FAM13C: variants seen among roughly 807,000 people sequenced by gnomAD.
The protein encoded by FAM13C is protein FAM13C.
Under a neutral mutation model 73.2 loss-of-function variants are expected in FAM13C, and 37 were observed. The observed-to-expected ratio is 0.51, with a 90% CI of 0.39 to 0.67. The LOEUF is 0.67. FAM13C is among the 30% of genes least tolerant of loss of function. FAM13C has a pLI of 0.00. For missense variants in FAM13C, 589 were observed against 715.6 expected (o/e 0.82, Z 2.02); for synonymous variants, 246 against 260.9 (o/e 0.94, Z 0.55).
intron 3 of FAM13C, among the ~76,000 whole-genome samples, chr10:59,342,810 T>C (rs1051174511): frequency 6.6e-6 from 1 of 152,230 alleles, no homozygotes; most frequent in African/African-American, 2.4e-5. Flanking sequence ...TCAGTTCATT[T>C]TGTTTCTGCT....
At chr10:59,267,154 T>G (rs1291297680) in intron 8 of FAM13C, among the ~76,000 whole-genome samples, 2 of 152,148 alleles carry the variant, frequency 1.3e-5, no homozygotes, top group African/African-American at 4.8e-5. Flanking sequence ...TGTTAACAGG[T>G]GCTGGGAATG....
intron 6 of FAM13C, among the ~76,000 whole-genome samples, chr10:59,281,575 C>T (rs1844924079): frequency 6.6e-6 from 1 of 152,184 alleles, no homozygotes; most frequent in Non-Finnish European, 1.5e-5. Context: ...AGCCTCCTCT[C>T]TAAAGAGACT....
intron 11 of FAM13C, 61 bp from the exon 12 acceptor site, chr10:59,253,059 CA>C: frequency 6.5e-7 from 1 of 1,527,752 alleles, no homozygotes; most frequent in South Asian, 1.1e-5. Context: ...CTTGAGGAAA[CA>C]AAAACAGGAA....
chr10:59,268,740 G>T, intron 7 of FAM13C, 49 bp from the exon 8 acceptor site: 1 of 1,591,358 alleles, frequency 6.3e-7, no homozygotes. Context: ...TGGGCTTCCA[G>T]TAAACAGTTC....
rs568633842 is a variant in FAM13C at position 59,290,032 on chromosome 10, A to G, written c.508-6585T>C. 3.3e-5 allele frequency among the ~76,000 whole-genome samples: 5 copies of G among 152,290 alleles called. No homozygotes were observed. The East Asian group carries it at 7.7e-4, about 24-fold the overall frequency. On this transcript the variant is annotated intron_variant, in intron 5 of 13. Transcript: ENST00000618804. ...CCACCCCTGCTGCTCCAACTATCCCATCTGGTTAAGAAAGAAGCCAGAGAG... is the reference window on the plus strand; with the variant it reads ...CCACCCCTGCTGCTCCAACTATCCCGTCTGGTTAAGAAAGAAGCCAGAGAG...
At chr10:59,309,190 T>A (rs2133917206) in intron 4 of FAM13C, among the ~76,000 whole-genome samples, 1 of 152,208 alleles carries the variant, frequency 6.6e-6, no homozygotes, top group Non-Finnish European at 1.5e-5. Flanking sequence ...CCTCTCAATT[T>A]CTTATCCCAA....
intron 6 of FAM13C, among the ~76,000 whole-genome samples, chr10:59,273,572 C>T (rs575705725): frequency 1.3e-4 from 20 of 152,190 alleles, no homozygotes; most frequent in African/African-American, 2.4e-4. Context: ...ATTTAATCTT[C>T]ATAACAACTA....
rs10532470 is a variant in FAM13C, at chr10:59,269,417, T to TAC, written c.803+480_803+481dup. 3.0e-3 allele frequency among the ~76,000 whole-genome samples: 441 copies of TAC among 146,630 alleles called. 1 individual carries two copies. The highest frequency in any genetic ancestry group is 7.1e-3 in the Middle Eastern group (2 of 282). On this transcript the variant is annotated intron_variant, in intron 7 of 13. Transcript: ENST00000618804. ...AATGTGTAGGGGGCAGGCATCCGAT[T>TAC]ACACACACACACACACACACACACA... is the stretch of plus-strand genomic sequence containing the variant.
intron 5 of FAM13C, among the ~76,000 whole-genome samples, chr10:59,290,715 T>G (rs2133769429): frequency 6.6e-6 from 1 of 152,318 alleles, no homozygotes; most frequent in African/African-American, 2.4e-5. Flanking sequence ...TGTAATTTTG[T>G]GTATTGTTTA....
intron 10 of FAM13C, among the ~76,000 whole-genome samples, chr10:59,257,286 G>A (rs1404864292): frequency 6.6e-6 from 1 of 152,170 alleles, no homozygotes; most frequent in Admixed American, 6.5e-5. Flanking sequence ...TCAAGGTCTG[G>A]AAATAAACTG....
chr10:59,336,393 T>C (rs1852730422), intron 3 of FAM13C, among the ~76,000 whole-genome samples: 1 of 152,230 alleles, frequency 6.6e-6, no homozygotes, highest in Non-Finnish European at 1.5e-5. Flanking sequence ...AGGTCAATTC[T>C]GCAGTGTGTA....
intron 13 of FAM13C, 102 bp from the exon 14 acceptor site, chr10:59,247,839 ACT>A (rs1840863977): frequency 4.4e-6 from 5 of 1,145,150 alleles, no homozygotes; most frequent in Non-Finnish European, 6.1e-6. Flanking sequence ...AACGGCCTCC[ACT>A]TGGTTTTTGC....
In FAM13C at chr10:59,246,169, A is replaced by C. The variant is rs1402293388; in HGVS notation, c.*1445T>G. 1 of 152,740 alleles carries C rather than the reference A, an allele frequency of 6.5e-6. No individual in the cohort carries two copies. Among genetic ancestry groups the C allele is most frequent in the Non-Finnish European group, 1.5e-5 (1 of 68,112 alleles). The allele number at this position is 152,740 out of a possible 1,614,324, so 9.5% of individuals were successfully genotyped here. A position where few individuals can be genotyped will look rare whatever the true frequency, so the allele number is the denominator to read the frequency against. ...AATATTTTATTTGTATTGTTGTATA[A>C]AATATTTACAATCATATAGAATATA... On this transcript the variant is annotated 3_prime_UTR_variant, in exon 14 of 14. Transcript: ENST00000618804.
intron 6 of FAM13C, among the ~76,000 whole-genome samples, chr10:59,280,056 C>T (rs543800182): frequency 2.4e-4 from 37 of 152,292 alleles, no homozygotes; most frequent in African/African-American, 8.4e-4. Flanking sequence ...CAAGGTCCCA[C>T]CTCCAAACTT....
At chr10:59,348,963 T>A (rs749556034) in intron 3 of FAM13C, among the ~76,000 whole-genome samples, 1 of 150,262 alleles carries the variant, frequency 6.7e-6, no homozygotes, top group Non-Finnish European at 1.5e-5. Flanking sequence ...TATCTTGAGG[T>A]TTTTTTTCTC....
chr10:59,257,941 G>C (rs1484053562), intron 10 of FAM13C, among the ~76,000 whole-genome samples: 1 of 152,032 alleles, frequency 6.6e-6, no homozygotes. Context: ...ATAAGTAAAT[G>C]TTTCTGGATT....
intron 4 of FAM13C, among the ~76,000 whole-genome samples, chr10:59,321,269 G>C (rs747704214): frequency 3.3e-5 from 5 of 152,032 alleles, no homozygotes; most frequent in Non-Finnish European, 7.4e-5. Context: ...AGGGAGATGT[G>C]ACTACGGAAG....
intron 4 of FAM13C, among the ~76,000 whole-genome samples, chr10:59,309,634 C>T (rs142726548): frequency 1.3e-5 from 2 of 152,342 alleles, no homozygotes; most frequent in East Asian, 3.9e-4. Flanking sequence ...AGCTCCCAGT[C>T]AGGTCTCCCT....
chr10:59,317,871 T>A lies in FAM13C; in HGVS notation c.443+6117A>T, dbSNP rs988203287. On this transcript the variant is annotated intron_variant, in intron 4 of 13. Coordinates refer to ENST00000618804, the MANE Select transcript of FAM13C (RefSeq NM_198215.4). ...AACTCGTCATTTAGCGTTAGGTATA[T>A]CTCCTAATGCTATCCCTCCCCCCTT... Among the ~76,000 whole-genome samples the A allele has an allele frequency of 2.6e-5, 4 of 152,028 alleles. No individual in the cohort carries two copies. The East Asian group carries it at 7.7e-4, about 29-fold the overall frequency.
Sources: gnomAD v4.1 joint callset for allele counts (sites outside exome capture counted in the v4.1 genomes callset) on GRCh38, gnomAD v4.1.1 for gene constraint, MANE v1.5 for transcripts, NCBI Gene and HGNC (gene_info 2026-07-23, HGNC 2026-07-21) for gene names.